The following CRTAC1 variants were observed in gnomAD, a reference collection of about 807,000 sequenced individuals.
CRTAC1 encodes acidic secreted protein in cartilage.
A neutral mutation model predicts 67.8 loss-of-function variants in CRTAC1; 37 were observed. The ratio of observed to expected loss-of-function variants is 0.55; its 90% confidence interval spans 0.42 to 0.72. The LOEUF (loss-of-function observed/expected upper bound fraction) is 0.72, where lower values mean the gene tolerates loss of function less well. Among genes scored for constraint, CRTAC1 ranks in the 30% least tolerant of loss-of-function variants. The pLI, the probability that CRTAC1 is intolerant of heterozygous loss-of-function variation, is 0.00. For missense variants in CRTAC1, 780 were observed against 931.6 expected (o/e 0.84, Z 2.12); for synonymous variants, 348 against 371.0 (o/e 0.94, Z 0.71).
intron 14 of CRTAC1, among the ~76,000 whole-genome samples, chr10:97,873,912 C>G (rs564378707): frequency 6.6e-6 from 1 of 152,326 alleles, no homozygotes; most frequent in Non-Finnish European, 1.5e-5. Flanking sequence ...TGTATTTAAT[C>G]CCAGCTGAGT....
At chr10:97,876,201 A>G (rs985245697) in intron 14 of CRTAC1, among the ~76,000 whole-genome samples, 12 of 152,214 alleles carry the variant, frequency 7.9e-5, no homozygotes, top group Admixed American at 2.0e-4. Flanking sequence ...GCCAGCTGAC[A>G]GCCAGACTCC....
chr10:98,002,513 A>G (rs940758882), intron 2 of CRTAC1, among the ~76,000 whole-genome samples: 6 of 152,024 alleles, frequency 3.9e-5, no homozygotes, highest in Non-Finnish European at 8.8e-5. Context: ...CCCAGCTGGA[A>G]GTGCTCTCGA....
At chr10:98,028,262 T>G (rs970903035) in intron 1 of CRTAC1, among the ~76,000 whole-genome samples, 2 of 152,174 alleles carry the variant, frequency 1.3e-5, no homozygotes, top group African/African-American at 4.8e-5. Flanking sequence ...TGGTGGTGGT[T>G]GAAGGCTGTA....
At position 97,924,662 on chromosome 10, in the gene CRTAC1, T is replaced by C. The variant is rs550893831; in HGVS notation, c.422-1262A>G. Among the ~76,000 whole-genome samples the C allele has an allele frequency of 9.2e-5, 14 of 152,282 alleles. No individual in the cohort carries two copies. The South Asian group carries it at 2.9e-3, about 32-fold the overall frequency. On this transcript the variant is annotated intron_variant, in intron 3 of 14. Coordinates refer to ENST00000370597, the MANE Select transcript of CRTAC1 (RefSeq NM_018058.7). ...ACAGTAGTTACAGTCAAGTTTACTGTGAGGAATAAATGAGATGATGCACAT... is the reference window on the plus strand; with the variant it reads ...ACAGTAGTTACAGTCAAGTTTACTGCGAGGAATAAATGAGATGATGCACAT...
chr10:97,933,818 G>A (rs1454939667), intron 3 of CRTAC1, among the ~76,000 whole-genome samples: 2 of 152,226 alleles, frequency 1.3e-5, no homozygotes, highest in Non-Finnish European at 2.9e-5. Context: ...TGAGATAGTG[G>A]CCTTCCACCT....
chr10:97,894,753 T>C (rs1182228732), intron 11 of CRTAC1, among the ~76,000 whole-genome samples: 12 of 66,946 alleles, frequency 1.8e-4, no homozygotes, highest in Non-Finnish European at 3.4e-4. Flanking sequence ...TATATATATA[T>C]ATATATATAT....
intron 5 of CRTAC1, among the ~76,000 whole-genome samples, chr10:97,915,147 G>A (rs1039149360): frequency 4.6e-5 from 7 of 152,194 alleles, no homozygotes; most frequent in African/African-American, 7.2e-5. Context: ...CCTCAAGTCC[G>A]GGTGCCAGCC....
intron 2 of CRTAC1, 27 bp from the exon 3 acceptor site, chr10:97,936,393 T>G: frequency 6.3e-7 from 1 of 1,582,328 alleles, no homozygotes; most frequent in Non-Finnish European, 8.6e-7. Flanking sequence ...GAGGGGATGC[T>G]GGGGAGGAGC....
chr10:97,938,980 C>A (rs558189140), intron 2 of CRTAC1, among the ~76,000 whole-genome samples: 13 of 152,328 alleles, frequency 8.5e-5, no homozygotes, highest in African/African-American at 1.2e-4. Flanking sequence ...AGTTTAAAAG[C>A]CCCTGGACTC....
chr10:97,889,488 GA>G (rs1456336027), intron 11 of CRTAC1, among the ~76,000 whole-genome samples: 2 of 151,934 alleles, frequency 1.3e-5, no homozygotes, highest in Admixed American at 6.5e-5. Flanking sequence ...AGGGTCCACT[GA>G]GAAGGGACCC....
At chr10:97,921,371 G>C (rs2050833537) in intron 4 of CRTAC1, among the ~76,000 whole-genome samples, 1 of 152,168 alleles carries the variant, frequency 6.6e-6, no homozygotes, top group Non-Finnish European at 1.5e-5. Context: ...CCCAGGGGCA[G>C]GGAGGCGGAA....
chr10:97,952,284 G>A (rs748264619), intron 2 of CRTAC1, among the ~76,000 whole-genome samples: 3 of 151,690 alleles, frequency 2.0e-5, no homozygotes, highest in African/African-American at 7.3e-5. Flanking sequence ...CCCAGGAGGC[G>A]GAGCTTGCAG....
intron 5 of CRTAC1, among the ~76,000 whole-genome samples, chr10:97,916,196 T>G (rs2050494282): frequency 6.7e-6 from 1 of 150,194 alleles, no homozygotes; most frequent in African/African-American, 2.4e-5. Flanking sequence ...GGCACTTAAT[T>G]GCCAAGCCAG....
intron 6 of CRTAC1, among the ~76,000 whole-genome samples, chr10:97,906,077 C>T (rs1182546311): frequency 6.6e-6 from 1 of 152,138 alleles, no homozygotes; most frequent in Non-Finnish European, 1.5e-5. Context: ...GGATCAGAGA[C>T]CCCAGGACAC....
chr10:97,913,199 G>A (rs2050713354), intron 5 of CRTAC1, among the ~76,000 whole-genome samples: 1 of 152,036 alleles, frequency 6.6e-6, no homozygotes. Context: ...ATGGTAACAG[G>A]GTCTCTCATC....
chr10:98,019,276 T>C (rs1349067173), intron 1 of CRTAC1, among the ~76,000 whole-genome samples: 1 of 152,152 alleles, frequency 6.6e-6, no homozygotes. Flanking sequence ...GCCTGGCTTA[T>C]AAGCTAGGAG....
At chr10:97,941,052 C>T (rs1396365237) in intron 2 of CRTAC1, among the ~76,000 whole-genome samples, 1 of 152,126 alleles carries the variant, frequency 6.6e-6, no homozygotes, top group Admixed American at 6.5e-5. Context: ...TGCCCCACCC[C>T]CATCCACCTT....
In CRTAC1 at chr10:97,895,738, T is replaced by C; in HGVS notation, c.1317+147A>G. Reference sequence around the variant, plus strand: ...CCCTTCCTGAGCTTCCCGGTGCTGCTGGAATTTACTTCCCTCCTCCAGGGC... The same window carrying C: ...CCCTTCCTGAGCTTCCCGGTGCTGCCGGAATTTACTTCCCTCCTCCAGGGC... On this transcript the variant is annotated intron_variant, in intron 10 of 14. Coordinates refer to ENST00000370597, the MANE Select transcript of CRTAC1 (RefSeq NM_018058.7). This position sits in a 1 kb window ranked among gnomAD's most constrained non-coding sequence, Gnocchi z 4.2. 2 of 654,204 alleles carry C rather than the reference T, an allele frequency of 3.1e-6. No homozygotes were observed. Among genetic ancestry groups the C allele is most frequent in the South Asian group, 2.0e-5 (1 of 49,046 alleles). 40.5% of individuals were successfully genotyped at this position (654,204 alleles called of 1,614,324 possible). A position where few individuals can be genotyped will look rare whatever the true frequency, so the allele number is the denominator to read the frequency against.
intron 4 of CRTAC1, among the ~76,000 whole-genome samples, chr10:97,922,647 C>T (rs913253022): frequency 4.6e-5 from 7 of 152,232 alleles, no homozygotes; most frequent in Non-Finnish European, 7.3e-5. Context: ...TGCAGTGGCT[C>T]ATGCCCCTTC....
Sources: allele counts gnomAD v4.1 joint callset (sites outside exome capture counted in the v4.1 genomes callset), GRCh38; gene constraint gnomAD v4.1.1; non-coding constraint Gnocchi (gnomAD v3.1); transcripts MANE v1.5; gene names NCBI Gene and HGNC (gene_info 2026-07-23, HGNC 2026-07-21).